KDM4C: variants seen among roughly 807,000 people sequenced by gnomAD.
KDM4C encodes lysine demethylase 4C.
In KDM4C, 81 loss-of-function variants were observed where a neutral mutation model predicts 129.3. That is an observed-to-expected ratio of 0.63 (90% CI 0.52 to 0.75). KDM4C has a LOEUF of 0.75. Among genes scored for constraint, KDM4C ranks in the 30% least tolerant of loss-of-function variants. The pLI is 0.00. For synonymous variants in KDM4C, 573 were observed against 456.1 expected (o/e 1.26, Z -3.26); for missense variants, 1,457 against 1,304.0 (o/e 1.12, Z -1.81).
chr9:6,802,327 A>C (rs1408663006), intron 2 of KDM4C, among the ~76,000 whole-genome samples: 2 of 152,168 alleles, frequency 1.3e-5, no homozygotes, highest in South Asian at 4.1e-4. Context: ...TGGTACAACC[A>C]CTTTGCAACA....
At chr9:6,900,272 T>TTAGACA (rs1467852129) in intron 8 of KDM4C, among the ~76,000 whole-genome samples, 6 of 152,212 alleles carry the variant, frequency 3.9e-5, no homozygotes, top group Non-Finnish European at 7.3e-5. Flanking sequence ...TAGATGTAGG[T>TTAGACA]TTGCCCCCAA....
intron 1 of KDM4C, among the ~76,000 whole-genome samples, chr9:6,744,100 T>TATCTACCTAAGGGGTA (rs1817796050): frequency 1.0e-5 from 1 of 98,640 alleles, no homozygotes; most frequent in Admixed American, 1.6e-4. Context: ...AACACTTTGT[T>TATCTACCTAAGGGGTA]ACCTCTAAGG....
intron 4 of KDM4C, among the ~76,000 whole-genome samples, chr9:6,823,386 A>G (rs969522516): frequency 1.3e-5 from 2 of 152,148 alleles, no homozygotes; most frequent in African/African-American, 2.4e-5. Flanking sequence ...TAATAAACCT[A>G]TGGGATAGCA....
chr9:6,831,453 C>T (rs191962603), intron 4 of KDM4C, among the ~76,000 whole-genome samples: 1 of 152,262 alleles, frequency 6.6e-6, no homozygotes, highest in Non-Finnish European at 1.5e-5. Flanking sequence ...AGTAATTCTC[C>T]TGCCATAGCC....
At chr9:7,163,761 T>A (rs1360018327) in intron 19 of KDM4C, among the ~76,000 whole-genome samples, 9 of 152,206 alleles carry the variant, frequency 5.9e-5, no homozygotes, top group Non-Finnish European at 1.0e-4. Flanking sequence ...CTCCACAGCC[T>A]ACCCTTTCAA....
At chr9:7,017,451 C>T (rs965636700) in intron 15 of KDM4C, among the ~76,000 whole-genome samples, 6 of 152,158 alleles carry the variant, frequency 3.9e-5, no homozygotes, top group East Asian at 3.8e-4. Context: ...TACCTTACTA[C>T]TTTCCTGCAG....
chr9:7,045,406 C>A (rs1829252035), intron 15 of KDM4C, among the ~76,000 whole-genome samples: 1 of 151,966 alleles, frequency 6.6e-6, no homozygotes, highest in Non-Finnish European at 1.5e-5. Flanking sequence ...TTTCCTTTTT[C>A]ATTCATTCAT....
chr9:6,990,487 G>C lies in KDM4C; in HGVS notation c.1749G>C (p.Pro583=), dbSNP rs149152425. ...TTAGCAGGCCTCCAGCAAGATCTCC[G>C]ATGACTCTTGTGAAGCAGCAGGCGC... The part of the protein sequence containing the change: ...HPLSRPPARS[P]MTLVKQQAPS... Residue 583 remains proline (P), a synonymous_variant, in exon 12 of 22, where the codon CCG becomes CCC. Transcript: ENST00000381309. 1 of 1,612,638 alleles carries C rather than the reference G, an allele frequency of 6.2e-7. No homozygotes were observed. Among genetic ancestry groups the C allele is most frequent in the Non-Finnish European group, 8.5e-7 (1 of 1,179,642 alleles).
chr9:6,807,976 T>A (rs1588418754), intron 3 of KDM4C, among the ~76,000 whole-genome samples: 1 of 115,714 alleles, frequency 8.6e-6, no homozygotes, highest in African/African-American at 3.8e-5. Flanking sequence ...AGCCGCCCCG[T>A]CCGGGAGGGA....
chr9:7,091,764 A>G (rs568587525), intron 17 of KDM4C, among the ~76,000 whole-genome samples: 1 of 152,312 alleles, frequency 6.6e-6, no homozygotes, highest in Admixed American at 6.5e-5. Context: ...GGGTTGAAGA[A>G]CGAGCACATC....
At chr9:7,045,637 C>G (rs1019562060) in intron 15 of KDM4C, among the ~76,000 whole-genome samples, 6 of 152,024 alleles carry the variant, frequency 3.9e-5, no homozygotes, top group Non-Finnish European at 7.4e-5. Flanking sequence ...GTTGTTAACT[C>G]CTTGAGCTGG....
rs181322644 is a variant in KDM4C, at chr9:7,031,584, A to C, written c.2260-15278A>C. Among the ~76,000 whole-genome samples the C allele has an allele frequency of 4.5e-4, 68 of 152,358 alleles. 1 individual carries two copies. The East Asian group carries it at 0.012, about 26-fold the overall frequency. ...TATACAATTGGAGTGATTTTAAAAA[A>C]AACTATTTTGGTGGCTGTTTATGTG... On this transcript the variant is annotated intron_variant, in intron 15 of 21. Coordinates refer to ENST00000381309, the MANE Select transcript of KDM4C (RefSeq NM_015061.6).
intron 1 of KDM4C, chr9:6,723,656 G>A (rs574623543): frequency 5.4e-5 from 8 of 148,562 alleles, no homozygotes; most frequent in African/African-American, 2.0e-4. Flanking sequence ...AAAAATTGGG[G>A]ACTATGTATA....
chr9:6,832,172 C>G (rs1834942235), intron 4 of KDM4C, among the ~76,000 whole-genome samples: 2 of 151,352 alleles, frequency 1.3e-5, no homozygotes, highest in African/African-American at 4.8e-5. Context: ...CCCCGTCTCT[C>G]CTAAAAAAAT....
intron 8 of KDM4C, among the ~76,000 whole-genome samples, chr9:6,977,376 G>A (rs891542853): frequency 6.6e-6 from 1 of 152,102 alleles, no homozygotes; most frequent in African/African-American, 2.4e-5. Context: ...TTTATTTTAT[G>A]TAAGCAAGAA....
chr9:7,161,259 G>T (rs1843755696), intron 19 of KDM4C, among the ~76,000 whole-genome samples: 1 of 152,144 alleles, frequency 6.6e-6, no homozygotes, highest in East Asian at 1.9e-4. Context: ...GCTAGGAATT[G>T]GAAATCCCCT....
At chr9:6,744,987 C>T (rs1817829832) in intron 1 of KDM4C, among the ~76,000 whole-genome samples, 1 of 152,142 alleles carries the variant, frequency 6.6e-6, no homozygotes, top group Admixed American at 6.6e-5. Context: ...CCTATTCCTC[C>T]TCCTCCACCT....
At chr9:6,764,009 T>C (rs1820123540) in intron 1 of KDM4C, among the ~76,000 whole-genome samples, 1 of 152,208 alleles carries the variant, frequency 6.6e-6, no homozygotes, top group Admixed American at 6.5e-5. Flanking sequence ...TCCATCCGCC[T>C]CGGCCTCCCA....
At chr9:6,838,190 C>T (rs914726734) in intron 4 of KDM4C, among the ~76,000 whole-genome samples, 3 of 152,050 alleles carry the variant, frequency 2.0e-5, no homozygotes, top group Admixed American at 6.6e-5. Context: ...TTAGCAATTC[C>T]GTCTTTTATT....
Sources: gnomAD v4.1 joint callset for allele counts (sites outside exome capture counted in the v4.1 genomes callset) on GRCh38, gnomAD v4.1.1 for gene constraint, MANE v1.5 for transcripts, NCBI Gene and HGNC (gene_info 2026-07-23, HGNC 2026-07-21) for gene names.